Variants in TTC34 observed in about 807,000 individuals in gnomAD.
TTC34 encodes the protein tetratricopeptide repeat domain 34, also known as tetratricopeptide repeat protein 34.
In TTC34, 44 loss-of-function variants were observed where a neutral mutation model predicts 40.7. The observed-to-expected ratio is 1.08, with a 90% CI of 0.85 to 1.39. TTC34 has a LOEUF of 1.39. Among genes scored for constraint, TTC34 ranks in the 40% most tolerant of loss-of-function variants. TTC34 has a pLI of 0.00. For synonymous variants in TTC34, 422 were observed against 398.6 expected (o/e 1.06, Z -0.70); for missense variants, 884 against 838.0 (o/e 1.05, Z -0.68).
chr1:2,641,516 C>T lies in TTC34; in HGVS notation c.3092G>A (p.Arg1031His), dbSNP rs772084141. ...CTGCTCCTCCAGGCAGCACTGCCCG[C>T]GGAGAAGGAACATGCGTGCAGTGGG... is the stretch of plus-strand genomic sequence containing the variant. Residue 1031 changes from arginine to histidine, a missense_variant, in exon 9 of 9, where the codon CGC becomes CAC. Coordinates refer to ENST00000401095, the Ensembl canonical transcript of TTC34. 42 of 1,535,342 alleles carry T rather than the reference C, an allele frequency of 2.7e-5. 1 individual carries two copies. Among genetic ancestry groups the T allele is most frequent in the South Asian group, 2.1e-4 (18 of 84,022 alleles).
intron 6 of TTC34, among the ~76,000 whole-genome samples, chr1:2,681,845 G>C (rs1329881535): frequency 8.4e-6 from 1 of 118,852 alleles, no homozygotes; most frequent in African/African-American, 3.0e-5. Flanking sequence ...GCATCTGACA[G>C]CCTGGAACAG....
intron 4 of TTC34, among the ~76,000 whole-genome samples, chr1:2,786,409 G>T (rs1199072888): frequency 1.3e-5 from 2 of 152,230 alleles, no homozygotes; most frequent in Non-Finnish European, 2.9e-5. Context: ...ATAGGTGGGG[G>T]TCCCACAGCG....
At chr1:2,698,520 C>A (rs1640972534) in intron 6 of TTC34, among the ~76,000 whole-genome samples, 1 of 133,462 alleles carries the variant, frequency 7.5e-6, no homozygotes, top group African/African-American at 3.0e-5. Flanking sequence ...TGAAGCAGCA[C>A]CCCACACCCC....
intron 6 of TTC34, among the ~76,000 whole-genome samples, chr1:2,764,642 AC>A (rs1641748065): frequency 1.7e-5 from 1 of 60,450 alleles, no homozygotes; most frequent in Non-Finnish European, 3.4e-5. Flanking sequence ...GCATCTGGCA[AC>A]CTGGAACAGC....
chr1:2,792,928 C>T (rs1161051871), intron 2 of TTC34, among the ~76,000 whole-genome samples: 1 of 152,220 alleles, frequency 6.6e-6, no homozygotes, highest in East Asian at 1.9e-4. Flanking sequence ...GTTCAAGGGT[C>T]AGCTACTAGT....
At chr1:2,685,760 C>A (rs1343953628) in intron 6 of TTC34, among the ~76,000 whole-genome samples, 8 of 145,884 alleles carry the variant, frequency 5.5e-5, no homozygotes, top group Admixed American at 1.4e-4. Flanking sequence ...AACCCACACC[C>A]ACAGGTGAGC....
intron 6 of TTC34, among the ~76,000 whole-genome samples, chr1:2,756,309 C>A (rs1163741783): frequency 3.5e-4 from 34 of 97,558 alleles, no homozygotes; most frequent in African/African-American, 1.2e-3. Context: ...TCCCACACCC[C>A]CAGGTGAGCA....
chr1:2,760,486 C>T lies in TTC34; in HGVS notation c.2226+23123G>A, dbSNP rs1641658846. On this transcript the variant is annotated intron_variant, in intron 6 of 8. Transcript: ENST00000401095. ...GACAGCCTGGAACACCACCCACATC[C>T]GCAGGTGAGCATCTGACAGCCTGGA... Among the ~76,000 whole-genome samples the T allele has an allele frequency of 5.5e-5, 3 of 54,862 alleles. 1 individual carries two copies. The highest frequency in any genetic ancestry group is 0.013 in the Middle Eastern group (2 of 150). 36.0% of individuals were successfully genotyped at this position (54,862 alleles called of 152,430 possible).
intron 6 of TTC34, among the ~76,000 whole-genome samples, chr1:2,650,594 G>A (rs1289171387): frequency 6.7e-6 from 1 of 149,752 alleles, no homozygotes. Context: ...CCTGAGGTGA[G>A]AATCTGACAG....
chr1:2,653,645 C>G (rs200283397), intron 6 of TTC34, among the ~76,000 whole-genome samples: 814 of 149,936 alleles, frequency 5.4e-3, no homozygotes, highest in East Asian at 0.036. Flanking sequence ...GAGCAGCATC[C>G]ACACCCCCAG....
intron 6 of TTC34, among the ~76,000 whole-genome samples, chr1:2,656,109 C>T (rs1355658789): frequency 1.3e-5 from 2 of 151,004 alleles, no homozygotes; most frequent in Admixed American, 6.6e-5. Flanking sequence ...AGGTGAGCAT[C>T]TGAGAGCCTG....
intron 6 of TTC34, among the ~76,000 whole-genome samples, chr1:2,684,675 ACG>A (rs1392135246): frequency 1.6e-5 from 2 of 122,758 alleles, no homozygotes; most frequent in Non-Finnish European, 3.2e-5. Flanking sequence ...CAGCACCCAC[ACG>A]CCCAGGTGAG....
chr1:2,691,078 A>G (rs1640596539), intron 6 of TTC34, among the ~76,000 whole-genome samples: 1 of 81,580 alleles, frequency 1.2e-5, no homozygotes, highest in African/African-American at 4.0e-5. Context: ...TGAGCATCTG[A>G]TGCTTTGGAG....
intron 6 of TTC34, among the ~76,000 whole-genome samples, chr1:2,777,423 G>A (rs1393236648): frequency 1.3e-5 from 2 of 149,724 alleles, no homozygotes; most frequent in Non-Finnish European, 3.0e-5. Flanking sequence ...ACACCTCCAG[G>A]GGAGCATCTG....
At chr1:2,646,698 A>T (rs925357961) in intron 6 of TTC34, among the ~76,000 whole-genome samples, 30 of 152,336 alleles carry the variant, frequency 2.0e-4, no homozygotes, top group African/African-American at 7.0e-4. Flanking sequence ...TTTTTAATTT[A>T]GATAGCTTTG....
chr1:2,750,721 C>T lies in TTC34; in HGVS notation c.2226+32888G>A, dbSNP rs1641291327. The stretch of plus-strand genomic sequence containing the variant: ...AGCATCCGACAGCCTGGAGCAGCAC[C>T]CACACCCCCAGGTGAGCATCTGATG... On this transcript the variant is annotated intron_variant, in intron 6 of 8. Coordinates refer to ENST00000401095, the Ensembl canonical transcript of TTC34. Among the ~76,000 whole-genome samples, 126 of 151,840 alleles carry T rather than the reference C, an allele frequency of 8.3e-4. 3 individuals carry two copies. Among genetic ancestry groups the T allele is most frequent in the Non-Finnish European group, 1.1e-3 (74 of 67,906 alleles).
chr1:2,642,853 C>A (rs1026176875), intron 8 of TTC34, among the ~76,000 whole-genome samples: 1 of 152,228 alleles, frequency 6.6e-6, no homozygotes, highest in African/African-American at 2.4e-5. Flanking sequence ...CCCACGGCCC[C>A]GGCTTTGCTG....
At chr1:2,776,411 G>A (rs1643167931) in intron 6 of TTC34, 1 of 136,196 alleles carries the variant, frequency 7.3e-6, no homozygotes, top group Non-Finnish European at 1.5e-5. Context: ...ACATCCCCAG[G>A]TAAGATTCCA....
intron 6 of TTC34, among the ~76,000 whole-genome samples, chr1:2,695,647 C>G (rs1490710638): frequency 7.2e-6 from 1 of 139,714 alleles, no homozygotes. Flanking sequence ...AACAGGTGAG[C>G]ATCTGACCGC....
Sources: gnomAD v4.1 joint callset for allele counts (sites outside exome capture counted in the v4.1 genomes callset) on GRCh38, gnomAD v4.1.1 for gene constraint, MANE v1.5 for transcripts, NCBI Gene and HGNC (gene_info 2026-07-23, HGNC 2026-07-21) for gene names.